The following SCARB1 variants were observed in gnomAD, a reference collection of about 807,000 sequenced individuals.
SCARB1 encodes the protein CD36 and LIMPII analogous 1.
Under a neutral mutation model 57.2 loss-of-function variants are expected in SCARB1, and 30 were observed. That is an observed-to-expected ratio of 0.52 (90% CI 0.39 to 0.71). The LOEUF (loss-of-function observed/expected upper bound fraction) is 0.71, where lower values mean the gene tolerates loss of function less well. Among genes scored for constraint, SCARB1 ranks in the 30% least tolerant of loss-of-function variants. The pLI, the probability that SCARB1 is intolerant of heterozygous loss-of-function variation, is 0.00. For synonymous variants in SCARB1, 249 were observed against 268.3 expected, an observed-to-expected ratio of 0.93 and a Z score of 0.70; for missense variants, 543 against 671.2, an observed-to-expected ratio of 0.81 and a Z score of 2.11.
chr12:124,812,752 G>A lies in SCARB1; in HGVS notation c.631-787C>T, dbSNP rs1950571759. On this transcript the variant is annotated intron_variant, in intron 4 of 12. Coordinates refer to ENST00000261693, the MANE Select transcript of SCARB1 (RefSeq NM_005505.5). This position sits in a 1 kb window ranked among gnomAD's most constrained non-coding sequence, Gnocchi z 4.3. ...AGGAGCTCCAAGGTTGCCCGGCTGA[G>A]TGACTGCACCCATCACAGACCTCCA... Among the ~76,000 whole-genome samples the A allele has an allele frequency of 6.6e-6, 1 of 152,172 alleles. No individual in the cohort carries two copies. The highest frequency in any genetic ancestry group is 6.5e-5 in the Admixed American group (1 of 15,280).
chr12:124,849,878 C>CCTGGTGAA (rs1566253926), intron 1 of SCARB1, among the ~76,000 whole-genome samples: 23 of 128,130 alleles, frequency 1.8e-4, no homozygotes, highest in African/African-American at 2.9e-4. Context: ...GCCTGGGCAA[C>CCTGGTGAA]ATAGCAAGAC....
At position 124,778,571 on chromosome 12, in the gene SCARB1, C is replaced by T. The variant is rs765682941; in HGVS notation, c.*16G>A. 37 of 1,397,366 alleles carry T rather than the reference C, an allele frequency of 2.6e-5. No individual in the cohort carries two copies. Among genetic ancestry groups the T allele is most frequent in the African/African-American group, 4.6e-5 (3 of 65,436 alleles). The allele number at this position is 1,397,366 out of a possible 1,614,324, so 86.6% of individuals were successfully genotyped here. A position where few individuals can be genotyped will look rare whatever the true frequency, so the allele number is the denominator to read the frequency against. On this transcript the variant is annotated 3_prime_UTR_variant, in exon 13 of 13. Transcript: ENST00000261693. ...CCAGCGGCCAGGCCTGGCTGGCTCA[C>T]GGTGTCCTCAGGACCCTGTGGAGAA...
intron 9 of SCARB1, among the ~76,000 whole-genome samples, chr12:124,792,617 G>A (rs1250166501): frequency 6.6e-6 from 1 of 150,754 alleles, no homozygotes; most frequent in Non-Finnish European, 1.5e-5. Flanking sequence ...AGCTACTTGA[G>A]AGGCTGAGGC....
intron 7 of SCARB1, among the ~76,000 whole-genome samples, chr12:124,802,232 T>G (rs988659112): frequency 2.0e-5 from 3 of 151,816 alleles, no homozygotes; most frequent in Non-Finnish European, 4.4e-5. Flanking sequence ...TGTTACTGCA[T>G]GAGGCTTTAA....
intron 1 of SCARB1, among the ~76,000 whole-genome samples, chr12:124,844,686 G>C (rs74465683): frequency 0.13 from 20,182 of 152,158 alleles, 1,459 homozygotes; most frequent in South Asian, 0.18. Context: ...CTATGAGGCC[G>C]GGAGAGGGGT....
chr12:124,832,059 G>C (rs997901285), intron 1 of SCARB1, among the ~76,000 whole-genome samples: 1 of 152,158 alleles, frequency 6.6e-6, no homozygotes, highest in Non-Finnish European at 1.5e-5. Context: ...AAGGAGAAAC[G>C]AAGGAAACGT....
intron 1 of SCARB1, among the ~76,000 whole-genome samples, chr12:124,821,937 A>G (rs7308931): frequency 0.99 from 151,161 of 152,252 alleles, 75,049 homozygotes; most frequent in East Asian, 1. Context: ...GGCTGATTCT[A>G]TGATTCTGTC....
intron 1 of SCARB1, among the ~76,000 whole-genome samples, chr12:124,861,896 C>A (rs199882482): frequency 1.1e-5 from 1 of 93,504 alleles, no homozygotes; most frequent in African/African-American, 4.0e-5. Context: ...ACACACACAT[C>A]CTACTGACAT....
rs1357509300 is a variant in SCARB1, at chr12:124,817,906, C to A, written c.127-199G>T. On this transcript the variant is annotated intron_variant, in intron 1 of 12. Coordinates refer to ENST00000261693, the MANE Select transcript of SCARB1 (RefSeq NM_005505.5). This position sits in a 1 kb window ranked among gnomAD's most constrained non-coding sequence, Gnocchi z 4.8. ...TTATGGAATTAAACAGGCAACCTAT[C>A]CATGCTGTCATAATGCATCTTAAAA... Among the ~76,000 whole-genome samples the A allele has an allele frequency of 6.6e-6, 1 of 152,188 alleles. No individual in the cohort carries two copies.
At chr12:124,849,918 G>T (rs917655728) in intron 1 of SCARB1, among the ~76,000 whole-genome samples, 1 of 92,126 alleles carries the variant, frequency 1.1e-5, no homozygotes, top group Non-Finnish European at 2.4e-5. Context: ...CTAAAAATTA[G>T]CTGGGCATGG....
intron 1 of SCARB1, among the ~76,000 whole-genome samples, chr12:124,847,491 C>T (rs1952213475): frequency 6.6e-6 from 1 of 152,224 alleles, no homozygotes; most frequent in East Asian, 1.9e-4. Flanking sequence ...AAAGCCCCCA[C>T]CTGCCACTCC....
At chr12:124,848,080 C>A (rs1002994570) in intron 1 of SCARB1, among the ~76,000 whole-genome samples, 8 of 151,522 alleles carry the variant, frequency 5.3e-5, no homozygotes, top group African/African-American at 1.7e-4. Flanking sequence ...ACCTTGGATT[C>A]AAAAAAAAAT....
intron 1 of SCARB1, among the ~76,000 whole-genome samples, chr12:124,859,465 A>G (rs1157691143): frequency 1.3e-5 from 2 of 152,148 alleles, no homozygotes; most frequent in Non-Finnish European, 2.9e-5. Flanking sequence ...CAGGAGGCAG[A>G]GGCTGCAGTG....
intron 2 of SCARB1, among the ~76,000 whole-genome samples, chr12:124,815,345 C>G (rs1950671504): frequency 6.6e-6 from 1 of 152,192 alleles, no homozygotes; most frequent in Non-Finnish European, 1.5e-5. Flanking sequence ...TCTCCCCCAC[C>G]CAACACGGCC....
At chr12:124,832,646 A>G (rs1336220607) in intron 1 of SCARB1, among the ~76,000 whole-genome samples, 1 of 152,238 alleles carries the variant, frequency 6.6e-6, no homozygotes, top group Admixed American at 6.5e-5. Flanking sequence ...AAAGGAAAAA[A>G]TGTGCACCCC....
rs1430497115 is a variant in SCARB1 at position 124,812,120 on chromosome 12, G to A, written c.631-155C>T. Among the ~76,000 whole-genome samples, 5 of 152,184 alleles carry A rather than the reference G, an allele frequency of 3.3e-5. No individual in the cohort carries two copies. The highest frequency in any genetic ancestry group is 7.2e-5 in the African/African-American group (3 of 41,440). ...GCCAAATGCCCAGTGTCTGGGGACC[G>A]AGAGGAGGCTTGGGAGCTTTCTAGG... On this transcript the variant is annotated intron_variant, in intron 4 of 12. Coordinates refer to ENST00000261693, the MANE Select transcript of SCARB1 (RefSeq NM_005505.5). The surrounding 1 kb of genome is among the most constrained non-coding windows in gnomAD (Gnocchi z 4.3).
In SCARB1 at chr12:124,786,364, C is replaced by T. The variant is rs971083197; in HGVS notation, c.1394G>A (p.Arg465Gln). ...CCTCTGGCCAGCACCTACTTGGCTC[C>T]GGATTTGGCAGATGACAGGGACCAG... ...LLLVPVICQI[R>Q]SQEKCYLFWS... is the part of the protein sequence containing the mutation. Residue 465 changes from arginine (R) to glutamine (Q), a missense_variant, in exon 11 of 13, where the codon CGG becomes CAG. Coordinates refer to ENST00000261693, the MANE Select transcript of SCARB1 (RefSeq NM_005505.5). The T allele has an allele frequency of 6.2e-7, 1 of 1,613,940 alleles. No homozygotes were observed. The highest frequency in any genetic ancestry group is 1.1e-5 in the South Asian group (1 of 91,088).
intron 9 of SCARB1, among the ~76,000 whole-genome samples, chr12:124,788,914 A>G (rs150817029): frequency 5.9e-5 from 9 of 152,282 alleles, no homozygotes; most frequent in African/African-American, 2.2e-4. Context: ...CTATGGCCAC[A>G]TATATATGAA....
rs192045353 is a variant in SCARB1, at chr12:124,822,202, C to T, written c.127-4495G>A. On this transcript the variant is annotated intron_variant, in intron 1 of 12. Coordinates refer to ENST00000261693, the MANE Select transcript of SCARB1 (RefSeq NM_005505.5). This position sits in a 1 kb window ranked among gnomAD's most constrained non-coding sequence, Gnocchi z 5.0. ...GCAAAGGCTGGGAAGCCTTTAAGAG[C>T]GTGACTTGCCTGAATGTTCACCAAA... Among the ~76,000 whole-genome samples, 144 of 152,236 alleles carry T rather than the reference C, an allele frequency of 9.5e-4. No homozygotes were observed. The highest frequency in any genetic ancestry group is 1.3e-3 in the Non-Finnish European group (91 of 68,026).
Sources: allele counts gnomAD v4.1 joint callset (sites outside exome capture counted in the v4.1 genomes callset), GRCh38; gene constraint gnomAD v4.1.1; non-coding constraint Gnocchi (gnomAD v3.1); transcripts MANE v1.5; gene names NCBI Gene and HGNC (gene_info 2026-07-23, HGNC 2026-07-21).